CNOT1: variants seen among roughly 807,000 people sequenced by gnomAD.
CNOT1 encodes the protein CCR4-associated factor 1.
Under a neutral mutation model 273.8 loss-of-function variants are expected in CNOT1, and 15 were observed. That is an observed-to-expected ratio of 0.05 (90% CI 0.04 to 0.08). The LOEUF (loss-of-function observed/expected upper bound fraction) is 0.08. CNOT1 is among the 10% of genes least tolerant of loss of function. The pLI, the probability that CNOT1 is intolerant of heterozygous loss-of-function variation, is 1.00. For synonymous variants in CNOT1, 1,022 were observed against 1,005.5 expected (o/e 1.02, Z -0.31); for missense variants, 1,644 against 2,912.2 (o/e 0.56, Z 10.02).
intron 1 of CNOT1, among the ~76,000 whole-genome samples, chr16:58,603,256 A>G (rs907154825): frequency 8.5e-5 from 13 of 152,152 alleles, no homozygotes; most frequent in African/African-American, 2.7e-4. Flanking sequence ...AAACCCAGGC[A>G]TGGTGGCTCA....
chr16:58,590,566 T>A (rs1051645083), intron 2 of CNOT1, among the ~76,000 whole-genome samples: 1 of 151,540 alleles, frequency 6.6e-6, no homozygotes, highest in African/African-American at 2.4e-5. Context: ...CTGCACTCCA[T>A]CCTGGATGAG....
intron 1 of CNOT1, among the ~76,000 whole-genome samples, chr16:58,604,722 G>A (rs143666193): frequency 0.03 from 4,487 of 150,096 alleles, 114 homozygotes; most frequent in Non-Finnish European, 0.044. Flanking sequence ...GCTTGAACCC[G>A]GGAGGCAGAG....
chr16:58,576,454 T>G lies in CNOT1; in HGVS notation c.1704+9A>C, dbSNP rs189025447. On this transcript the variant is annotated intron_variant, in intron 14 of 48. Coordinates refer to ENST00000317147, the MANE Select transcript of CNOT1 (RefSeq NM_016284.5). ...ATAAACTGGTGTCAGTCTGTCCCTC[T>G]GAACTCACCTTCAAGTCCTGGGCCA... 1,287 of 1,613,978 alleles carry G rather than the reference T, an allele frequency of 8.0e-4. 8 individuals are homozygous for G. The highest frequency in any genetic ancestry group is 1.2e-4 in the Non-Finnish European group (137 of 1,179,942).
At chr16:58,527,444 T>C (rs1228870500) in intron 44 of CNOT1, among the ~76,000 whole-genome samples, 2 of 151,956 alleles carry the variant, frequency 1.3e-5, no homozygotes, top group African/African-American at 4.8e-5. Context: ...GGAGAATCAC[T>C]GGACCCCAGG....
chr16:58,548,585 G>A (rs749913116), intron 25 of CNOT1: 19 of 519,046 alleles, frequency 3.7e-5, no homozygotes, highest in Middle Eastern at 3.2e-4. Flanking sequence ...GCACTACAGC[G>A]TAACCAAGAA....
At chr16:58,609,773 T>C (rs899212214) in intron 1 of CNOT1, among the ~76,000 whole-genome samples, 1 of 152,030 alleles carries the variant, frequency 6.6e-6, no homozygotes, top group African/African-American at 2.4e-5. Context: ...ACATTTTTAA[T>C]TGGAAAATTT....
Position 58,558,523 on chromosome 16 carries a change from T to A in CNOT1, c.2282A>T (p.Asn761Ile). The A allele has an allele frequency of 6.2e-7, 1 of 1,613,458 alleles. No homozygotes were observed. The highest frequency in any genetic ancestry group is 8.5e-7 in the Non-Finnish European group (1 of 1,179,800). ...AATACCACTGAATGCAGTGGTCTGA[T>A]TGGGGGTTGAAAGGGGTGGAAATGC... ...AKAFPPLSTP[N>I]QTTAFSGIGG... The change falls in exon 18 of 49, where the codon AAT (asparagine) becomes ATT (isoleucine). Residue 761 changes from asparagine (N) to isoleucine (I), a missense_variant. Around this residue, in one of 13 missense-constraint regions of CNOT1, gnomAD observed 706 missense variants for 1,021.2 expected, o/e 0.69. Transcript: ENST00000317147.
chr16:58,609,494 G>A (rs960883819), intron 1 of CNOT1, among the ~76,000 whole-genome samples: 10 of 152,054 alleles, frequency 6.6e-5, no homozygotes, highest in South Asian at 2.1e-4. Context: ...AGACAGTTTC[G>A]AGCTTGTCGC....
rs903018188 is a variant in CNOT1, at chr16:58,588,959, A to G, written c.103-53T>C. 4.4e-5 allele frequency: 66 copies of G among 1,509,040 alleles called. No homozygotes were observed. The South Asian group carries it at 8.1e-4, about 19-fold the overall frequency. 93.5% of individuals were successfully genotyped at this position (1,509,040 alleles called of 1,614,324 possible). A position where few individuals can be genotyped will look rare whatever the true frequency, so the allele number is the denominator to read the frequency against. On this transcript the variant is annotated intron_variant, in intron 2 of 48. Coordinates refer to ENST00000317147, the MANE Select transcript of CNOT1 (RefSeq NM_016284.5). ...ATAAGGGAAGATAAAACAAAAAAAA[A>G]AAGTAAGGTTTCAAAAAAGAAAATC...
At chr16:58,603,392 A>C (rs920522811) in intron 1 of CNOT1, among the ~76,000 whole-genome samples, 4 of 143,454 alleles carry the variant, frequency 2.8e-5, no homozygotes, top group African/African-American at 7.7e-5. Context: ...CCTAGACCCT[A>C]TCTCTACAAT....
At chr16:58,543,974 A>G in intron 30 of CNOT1, 71 bp from the exon 31 acceptor site, 1 of 1,496,346 alleles carries the variant, frequency 6.7e-7, no homozygotes, top group Non-Finnish European at 8.9e-7. Context: ...TGGCAATCAC[A>G]TTCATGATTT....
intron 2 of CNOT1, among the ~76,000 whole-genome samples, chr16:58,598,277 A>G (rs1311126184): frequency 6.6e-6 from 1 of 152,016 alleles, no homozygotes; most frequent in African/African-American, 2.4e-5. Flanking sequence ...GTGTGCCTAT[A>G]ATCCCAGCTA....
intron 4 of CNOT1, 108 bp downstream of exon 4, chr16:58,587,672 C>A: frequency 7.6e-7 from 1 of 1,309,158 alleles, no homozygotes; most frequent in Non-Finnish European, 1.0e-6. Flanking sequence ...CCCAAAATAA[C>A]AACCTGAAAT....
chr16:58,607,360 C>T (rs2042715968), intron 1 of CNOT1, among the ~76,000 whole-genome samples: 1 of 152,028 alleles, frequency 6.6e-6, no homozygotes, highest in African/African-American at 2.4e-5. Context: ...TATATACTAC[C>T]TTTTGTTTGT....
chr16:58,545,423 A>G lies in CNOT1; in HGVS notation c.4075T>C (p.Tyr1359His). The G allele has an allele frequency of 6.2e-7, 1 of 1,614,148 alleles. No homozygotes were observed. The highest frequency in any genetic ancestry group is 8.5e-7 in the Non-Finnish European group (1 of 1,179,964). ...AGGGAATAGACATTGATGTCGTGGTAGCTGTACTGTGGCTGTGGTGGAACC... is the reference window on the plus strand; with the variant it reads ...AGGGAATAGACATTGATGTCGTGGTGGCTGTACTGTGGCTGTGGTGGAACC... ...ATVPPQPQYS[Y>H]HDINVYSLAG... The change falls in exon 30 of 49, where the codon TAC (tyrosine) becomes CAC (histidine). Residue 1359 changes from tyrosine to histidine, a missense_variant. By Grantham distance (83) the Tyr-to-His change is moderately conservative. Coordinates refer to ENST00000317147, the MANE Select transcript of CNOT1 (RefSeq NM_016284.5).
chr16:58,624,497 T>G (rs1169403379), intron 1 of CNOT1, among the ~76,000 whole-genome samples: 1 of 152,210 alleles, frequency 6.6e-6, no homozygotes, highest in Non-Finnish European at 1.5e-5. Flanking sequence ...CTCAAATATA[T>G]ACACTACATT....
chr16:58,546,311 G>T lies in CNOT1; in HGVS notation c.4006+10C>A. 6.2e-7 allele frequency: 1 copy of T among 1,609,894 alleles called. No individual in the cohort carries two copies. The highest frequency in any genetic ancestry group is 8.5e-7 in the Non-Finnish European group (1 of 1,176,532). On this transcript the variant is annotated intron_variant, in intron 29 of 48. Transcript: ENST00000317147. ...AACAGAAGCCTTCCTTGACTAATTAGCACACTTACTTGTGGTTGTGATGGG... is the reference window on the plus strand; with the variant it reads ...AACAGAAGCCTTCCTTGACTAATTATCACACTTACTTGTGGTTGTGATGGG...
At chr16:58,591,037 C>T (rs1036921774) in intron 2 of CNOT1, among the ~76,000 whole-genome samples, 3 of 152,230 alleles carry the variant, frequency 2.0e-5, no homozygotes, top group South Asian at 2.1e-4. Flanking sequence ...TTGATGCAGG[C>T]GGTTACCTCA....
chr16:58,588,735 C>A, intron 3 of CNOT1, 64 bp downstream of exon 3: 1 of 1,570,526 alleles, frequency 6.4e-7, no homozygotes, highest in South Asian at 1.2e-5. Context: ...GCTACATACA[C>A]TATGCCCAAA....
Sources: gnomAD v4.1 joint callset for allele counts (sites outside exome capture counted in the v4.1 genomes callset) on GRCh38, gnomAD v4.1.1 for gene constraint, gnomAD v4.1.1 regional missense constraint, MANE v1.5 for transcripts, NCBI Gene and HGNC (gene_info 2026-07-23, HGNC 2026-07-21) for gene names.